UBE2K: variants seen among roughly 807,000 people sequenced by gnomAD.
UBE2K encodes the protein ubiquitin-conjugating enzyme E2 K.
In UBE2K, 6 loss-of-function variants were observed where a neutral mutation model predicts 30.0. That is an observed-to-expected ratio of 0.20 (90% CI 0.11 to 0.39). The LOEUF is 0.39. UBE2K is among the 10% of genes least tolerant of loss of function. The pLI, the probability that UBE2K is intolerant of heterozygous loss-of-function variation, is 1.00. For missense variants in UBE2K, 61 were observed against 241.6 expected (o/e 0.25, Z 4.96); for synonymous variants, 86 against 83.7 (o/e 1.03, Z -0.15).
chr4:39,703,146 A>G (rs973996476), intron 1 of UBE2K, among the ~76,000 whole-genome samples: 3 of 151,994 alleles, frequency 2.0e-5, no homozygotes, highest in Admixed American at 2.0e-4. Flanking sequence ...GCCTACTACC[A>G]TGCCCGGTTA....
intron 4 of UBE2K, among the ~76,000 whole-genome samples, chr4:39,765,916 C>CATAG (rs1712295460): frequency 6.6e-6 from 1 of 151,554 alleles, no homozygotes; most frequent in Admixed American, 6.6e-5. Context: ...TATATACATA[C>CATAG]ATACATACAT....
At chr4:39,722,463 G>A (rs903857116) in intron 1 of UBE2K, among the ~76,000 whole-genome samples, 1 of 152,102 alleles carries the variant, frequency 6.6e-6, no homozygotes, top group African/African-American at 2.4e-5. Context: ...TCTTTGTAAA[G>A]GTACATTTTA....
chr4:39,737,199 A>G (rs1385228925), intron 1 of UBE2K, among the ~76,000 whole-genome samples: 1 of 152,158 alleles, frequency 6.6e-6, no homozygotes, highest in African/African-American at 2.4e-5. Flanking sequence ...ATTGTTGTTC[A>G]TAGTGGTGTT....
chr4:39,703,937 A>G (rs182451523), intron 1 of UBE2K, among the ~76,000 whole-genome samples: 8 of 152,178 alleles, frequency 5.3e-5, no homozygotes, highest in Non-Finnish European at 1.0e-4. Flanking sequence ...CAGACAGTAA[A>G]GACAAAAAAT....
chr4:39,729,440 A>G (rs1032301744), intron 1 of UBE2K, among the ~76,000 whole-genome samples: 1 of 151,944 alleles, frequency 6.6e-6, no homozygotes, highest in Non-Finnish European at 1.5e-5. Flanking sequence ...TTGTTTCCTT[A>G]TCTTTATTAT....
intron 4 of UBE2K, among the ~76,000 whole-genome samples, 156 bp from the exon 5 acceptor site, chr4:39,774,678 A>G (rs928010827): frequency 7.2e-5 from 11 of 152,226 alleles, no homozygotes; most frequent in Admixed American, 7.2e-4. Context: ...TGATAGGCAG[A>G]TACATAATTA....
At chr4:39,773,819 G>A (rs988248611) in intron 4 of UBE2K, among the ~76,000 whole-genome samples, 1 of 152,032 alleles carries the variant, frequency 6.6e-6, no homozygotes, top group African/African-American at 2.4e-5. Context: ...TACTCGGGAG[G>A]CTGAGGCAGG....
intron 1 of UBE2K, among the ~76,000 whole-genome samples, chr4:39,734,389 T>C (rs1371382886): frequency 9.9e-5 from 15 of 152,148 alleles, no homozygotes; most frequent in Non-Finnish European, 2.2e-4. Flanking sequence ...AGAATGCTTT[T>C]TCATAATGTA....
intron 4 of UBE2K, among the ~76,000 whole-genome samples, chr4:39,767,309 TTGTG>T (rs1553880119): frequency 1.3e-5 from 2 of 150,856 alleles, no homozygotes; most frequent in Non-Finnish European, 2.9e-5. Flanking sequence ...GTTTTTTTTT[TTGTG>T]TGTGTGTTTT....
Position 39,770,441 on chromosome 4 carries a change from T to A in UBE2K, c.300-4393T>A. 2.5e-6 allele frequency: 4 copies of A among 1,612,022 alleles called. No individual in the cohort carries two copies. In the South Asian group the frequency reaches 4.4e-5, roughly 18 times the overall value. ...CCAGCTTCTCCACGCCCTGGAACAC[T>A]TCCGGGCACTTGGTGCACTTGATGT... On this transcript the variant is annotated intron_variant, in intron 4 of 6. Coordinates refer to ENST00000261427, the MANE Select transcript of UBE2K (RefSeq NM_005339.5).
intron 1 of UBE2K, among the ~76,000 whole-genome samples, chr4:39,735,632 C>T (rs1287748009): frequency 3.3e-5 from 5 of 152,154 alleles, no homozygotes; most frequent in Admixed American, 2.6e-4. Context: ...CTGCCCGCCT[C>T]AGCCTCCCAA....
chr4:39,704,411 G>GT (rs1718211111), intron 1 of UBE2K, among the ~76,000 whole-genome samples: 1 of 151,900 alleles, frequency 6.6e-6, no homozygotes, highest in African/African-American at 2.4e-5. Context: ...TATAGATTGG[G>GT]TTAAAAAAAA....
chr4:39,737,685 C>A (rs557252489), intron 2 of UBE2K, among the ~76,000 whole-genome samples, 172 bp downstream of exon 2: 1 of 152,204 alleles, frequency 6.6e-6, no homozygotes, highest in South Asian at 2.1e-4. Flanking sequence ...ACTGGTATTT[C>A]TTACTGAATT....
At chr4:39,734,551 A>G (rs1245890956) in intron 1 of UBE2K, among the ~76,000 whole-genome samples, 2 of 152,150 alleles carry the variant, frequency 1.3e-5, no homozygotes, top group East Asian at 1.9e-4. Flanking sequence ...TAATCGCAGC[A>G]CTTTTGGAGG....
intron 1 of UBE2K, chr4:39,714,550 A>ATATATTTTTTTTTT: frequency 5.6e-5 from 1 of 17,850 alleles, no homozygotes; most frequent in African/African-American, 2.5e-4. Context: ...ATATATATAT[A>ATATATTTTTTTTTT]TTTTTTTTTT....
chr4:39,704,891 A>G (rs1353835538), intron 1 of UBE2K, among the ~76,000 whole-genome samples: 2 of 64,958 alleles, frequency 3.1e-5, no homozygotes, highest in Non-Finnish European at 5.3e-5. Flanking sequence ...TTTTTTTTTT[A>G]GACGGAGTCT....
chr4:39,705,665 T>C (rs1475990408), intron 1 of UBE2K, among the ~76,000 whole-genome samples: 8 of 152,106 alleles, frequency 5.3e-5, no homozygotes. Context: ...GGTATCTGCA[T>C]GAGAGAGATT....
chr4:39,756,406 A>G (rs1721519084), intron 4 of UBE2K, among the ~76,000 whole-genome samples: 1 of 152,210 alleles, frequency 6.6e-6, no homozygotes, highest in African/African-American at 2.4e-5. Context: ...TCAGAGGATT[A>G]AATAAGTTAC....
intron 4 of UBE2K, among the ~76,000 whole-genome samples, chr4:39,757,515 CAGT>C (rs1711571993): frequency 6.6e-6 from 1 of 151,892 alleles, no homozygotes; most frequent in Non-Finnish European, 1.5e-5. Flanking sequence ...TCCTGTCCCT[CAGT>C]AGATCATCTC....
Sources: gnomAD v4.1 joint callset for allele counts (sites outside exome capture counted in the v4.1 genomes callset) on GRCh38, gnomAD v4.1.1 for gene constraint, MANE v1.5 for transcripts, NCBI Gene and HGNC (gene_info 2026-07-23, HGNC 2026-07-21) for gene names.